Variants in GPR50 observed in about 807,000 individuals in gnomAD.
The protein encoded by GPR50 is melatonin-related receptor.
A neutral mutation model predicts 2.6 loss-of-function variants in GPR50; 1 was observed. The observed-to-expected ratio is 0.38, with a 90% CI of 0.13 to 1.79. The LOEUF (loss-of-function observed/expected upper bound fraction) is 1.79. GPR50 is among the 40% of genes most tolerant of loss of function. The pLI, the probability that GPR50 is intolerant of heterozygous loss-of-function variation, is 0.33. For synonymous variants in GPR50, 233 were observed against 202.3 expected (o/e 1.15, Z -1.29); for missense variants, 535 against 522.1 (o/e 1.02, Z -0.24).
At chrX:151,178,780 C>T (rs1019355701) in intron 1 of GPR50, among the ~76,000 whole-genome samples, 4 of 112,515 alleles carry the variant, frequency 3.6e-5, no homozygotes, top group African/African-American at 1.3e-4. Flanking sequence ...AGAAAGAGGG[C>T]TCTGCGCCTG....
At position 151,179,924 on chromosome X, in the gene GPR50, G is replaced by T. The variant is rs759381821; in HGVS notation, c.341G>T (p.Gly114Val). Reference sequence around the variant, plus strand: ...TTCATCACAGGGCTGAGTGTGGTCGGCTCCATCTTCAACATCGTGGCAATC... The same window carrying T: ...TTCATCACAGGGCTGAGTGTGGTCGTCTCCATCTTCAACATCGTGGCAATC... ...VGFITGLSVV[G>V]SIFNIVAIAI... Residue 114 changes from glycine (G) to valine (V), a missense_variant, in exon 2 of 2, where the codon GGC (glycine) becomes GTC (valine). Physicochemically the swap from Gly to Val is moderately radical, Grantham distance 109. Coordinates refer to ENST00000218316, the MANE Select transcript of GPR50 (RefSeq NM_004224.3). 1 of 1,211,004 alleles carries T rather than the reference G, an allele frequency of 8.3e-7. No individual in the cohort carries two copies. The highest frequency in any genetic ancestry group is 1.8e-5 in the South Asian group (1 of 56,888).
At chrX:151,181,546 G>A (rs1288608784), downstream of GPR50, 20 of 533,754 alleles carry the variant, frequency 3.7e-5, no homozygotes, top group Middle Eastern at 4.9e-4. Context: ...CTGACACATA[G>A]AGATGGTGTA....
intron 1 of GPR50, 68 bp from the exon 2 acceptor site, chrX:151,179,702 AT>A: frequency 1.3e-6 from 1 of 767,360 alleles, no homozygotes; most frequent in Non-Finnish European, 1.9e-6. Context: ...AAATGTGTAG[AT>A]TTCTGTACTT....
intron 1 of GPR50, among the ~76,000 whole-genome samples, chrX:151,178,628 G>A (rs2048694259): frequency 8.9e-6 from 1 of 112,058 alleles, no homozygotes; most frequent in Non-Finnish European, 1.9e-5. Flanking sequence ...AAAGTGCTGA[G>A]GCCGAGTGCT....
downstream of GPR50, chrX:151,181,544 T>C (rs1010473570): frequency 1.0e-4 from 54 of 536,546 alleles, no homozygotes; most frequent in Non-Finnish European, 1.6e-4. Context: ...CACTGACACA[T>C]AGAGATGGTG....
rs2048702803 is a variant in GPR50 at position 151,180,099 on chromosome X, T to A, written c.516T>A (p.Asp172Glu). 3.3e-6 allele frequency: 4 copies of A among 1,209,294 alleles called. No individual in the cohort carries two copies. In the East Asian group the frequency reaches 1.2e-4, roughly 36 times the overall value. Residue 172 changes from aspartate (D) to glutamate (E), a missense_variant, in exon 2 of 2, where the codon GAT becomes GAA. Coordinates refer to ENST00000218316, the MANE Select transcript of GPR50 (RefSeq NM_004224.3). ...PNMYIGTIEY[D>E]PRTYTCIFNY... Reference sequence around the variant, plus strand: ...TGTACATTGGCACCATCGAGTACGATCCTCGCACCTACACCTGCATCTTCA... The same window carrying A: ...TGTACATTGGCACCATCGAGTACGAACCTCGCACCTACACCTGCATCTTCA...
intron 1 of GPR50, chrX:151,177,392 T>A (rs929397653): frequency 3.5e-5 from 4 of 113,200 alleles, no homozygotes; most frequent in Admixed American, 2.8e-4. Flanking sequence ...CGCAACGCAG[T>A]GGCCTCTCCC....
chrX:151,181,408 G>A lies in GPR50; in HGVS notation c.1825G>A (p.Glu609Lys), dbSNP rs1478378985. ...CCATGATGTCGTGGTTATTGATGTT[G>A]AAGATGATCCTGATGAAATGGCTGT... is the stretch of plus-strand genomic sequence containing the variant. Reference protein sequence around the residue: ...DYHDVVVIDVEDDPDEMAV With the variant: ...DYHDVVVIDVKDDPDEMAV The change falls in exon 2 of 2, where the codon GAA becomes AAA. Residue 609 changes from glutamate to lysine, a missense_variant. Coordinates refer to ENST00000218316, the MANE Select transcript of GPR50 (RefSeq NM_004224.3). The A allele has an allele frequency of 8.4e-7, 1 of 1,189,090 alleles. No individual in the cohort carries two copies. The highest frequency in any genetic ancestry group is 1.7e-5 in the African/African-American group (1 of 57,605).
intron 1 of GPR50, 142 bp downstream of exon 1, chrX:151,177,050 G>A: frequency 4.3e-6 from 2 of 461,355 alleles, no homozygotes; most frequent in Non-Finnish European, 7.6e-6. Context: ...CCGCAAGCCT[G>A]GGGGTGGTAG....
At position 151,176,608 on chromosome X, in the gene GPR50, A is replaced by C; in HGVS notation, c.-114A>C. Reference sequence around the variant, plus strand: ...TGCTGTCATTTGCTCTCTGACTCTCAGAGAGGGAGGCACGCTTTCCTGGAG... The same window carrying C: ...TGCTGTCATTTGCTCTCTGACTCTCCGAGAGGGAGGCACGCTTTCCTGGAG... On this transcript the variant is annotated 5_prime_UTR_variant, in exon 1 of 2. Coordinates refer to ENST00000218316, the MANE Select transcript of GPR50 (RefSeq NM_004224.3). 2 of 484,860 alleles carry C rather than the reference A, an allele frequency of 4.1e-6. No individual in the cohort carries two copies. Among genetic ancestry groups the C allele is most frequent in the East Asian group, 3.7e-5 (1 of 26,850 alleles). The allele number at this position is 484,860 out of a possible 1,213,427, so 40.0% of individuals were successfully genotyped here. A position where few individuals can be genotyped will look rare whatever the true frequency, so the allele number is the denominator to read the frequency against.
intron 1 of GPR50, chrX:151,177,679 A>T (rs1449837991): frequency 8.9e-6 from 1 of 112,455 alleles, no homozygotes; most frequent in Non-Finnish European, 1.9e-5. Flanking sequence ...GCCGGCCAAG[A>T]GGCTTGGGAG....
rs767699222 is a variant in GPR50, at chrX:151,180,066, G to A, written c.483G>A (p.Leu161=). ...ITWIMTVLAV[L]PNMYIGTIEY... ...GGATCATGACCGTCCTGGCTGTCCT[G>A]CCCAACATGTACATTGGCACCATCG... The change falls in exon 2 of 2, where the codon CTG becomes CTA. Residue 161 remains leucine (L), a synonymous_variant. Transcript: ENST00000218316. 2 of 1,209,514 alleles carry A rather than the reference G, an allele frequency of 1.7e-6. No individual in the cohort carries two copies. The highest frequency in any genetic ancestry group is 5.9e-5 in the East Asian group (2 of 33,769).
chrX:151,176,983 C>A (rs1602726080), intron 1 of GPR50, 75 bp downstream of exon 1: 4 of 686,556 alleles, frequency 5.8e-6, no homozygotes, highest in Non-Finnish European at 9.0e-6. Flanking sequence ...TTGAGCTCCC[C>A]GAATAGAGAA....
chrX:151,180,410 A>G lies in GPR50; in HGVS notation c.827A>G (p.Tyr276Cys), dbSNP rs1422848790. 3 of 1,209,505 alleles carry G rather than the reference A, an allele frequency of 2.5e-6. No homozygotes were observed. Among genetic ancestry groups the G allele is most frequent in the Non-Finnish European group, 3.4e-6 (3 of 895,034 alleles). ...GCAGGCAAGATCCCCAACTGGCTTT[A>G]TCTTGCAGCCTACTTCATAGCCTAC... ...EMAGKIPNWL[Y>C]LAAYFIAYFN... The change falls in exon 2 of 2, where the codon TAT (tyrosine) becomes TGT (cysteine). Residue 276 changes from tyrosine (Y) to cysteine (C), a missense_variant. By Grantham distance (194) the Tyr-to-Cys change is radical. Transcript: ENST00000218316.
In GPR50 at chrX:151,181,153, G is replaced by T. The variant is rs1238236399; in HGVS notation, c.1570G>T (p.Ala524Ser). Reference sequence around the variant, plus strand: ...CACCACTGCTGACTATCCCAAGCCTGCCACTACCAGCCACCCTAAGCCCAC... The same window carrying T: ...CACCACTGCTGACTATCCCAAGCCTTCCACTACCAGCCACCCTAAGCCCAC... ...EPTTADYPKP[A>S]TTSHPKPTAA... The change falls in exon 2 of 2, where the codon GCC (alanine) becomes TCC (serine). Residue 524 changes from alanine (A) to serine (S), a missense_variant. Ala to Ser is a moderately conservative substitution (Grantham distance 99, BLOSUM62 1). Coordinates refer to ENST00000218316, the MANE Select transcript of GPR50 (RefSeq NM_004224.3). 9 of 1,207,333 alleles carry T rather than the reference G, an allele frequency of 7.5e-6. No individual in the cohort carries two copies. Among genetic ancestry groups the T allele is most frequent in the African/African-American group, 1.8e-5 (1 of 56,581 alleles).
rs73615714 is a variant in GPR50 at position 151,178,514 on chromosome X, G to A, written c.188-1257G>A. ...TATAATTCAAATAAAGGCTTTTATGGTTGTTGTGGTTTTGTTTTTAAGGCT... is the reference window on the plus strand; with the variant it reads ...TATAATTCAAATAAAGGCTTTTATGATTGTTGTGGTTTTGTTTTTAAGGCT... On this transcript the variant is annotated intron_variant, in intron 1 of 1. Transcript: ENST00000218316. Among the ~76,000 whole-genome samples, 378 of 111,833 alleles carry A rather than the reference G, an allele frequency of 3.4e-3. 2 individuals are homozygous for A. Among genetic ancestry groups the A allele is most frequent in the African/African-American group, 0.012 (370 of 30,782 alleles).
Position 151,179,854 on chromosome X carries a change from A to G in GPR50, c.271A>G (p.Ile91Val). 2 of 1,209,937 alleles carry G rather than the reference A, an allele frequency of 1.7e-6. No homozygotes were observed. The highest frequency in any genetic ancestry group is 3.0e-5 in the East Asian group (1 of 33,819). ...CCCTTTGATGCTGCATGCCATGTCC[A>G]TTGGGGGCTGGGATCTGAGCCAGTT... ...PYPLMLHAMS[I>V]GGWDLSQLQC... The change falls in exon 2 of 2, where the codon ATT becomes GTT. Residue 91 changes from isoleucine (I) to valine (V), a missense_variant. Physicochemically the swap from Ile to Val is conservative, Grantham distance 29 (BLOSUM62 3). Coordinates refer to ENST00000218316, the MANE Select transcript of GPR50 (RefSeq NM_004224.3).
In GPR50 at chrX:151,180,398, C is replaced by T; in HGVS notation, c.815C>T (p.Pro272Leu). Reference protein sequence around the residue: ...VSPKEMAGKIPNWLYLAAYFI... With the variant: ...VSPKEMAGKILNWLYLAAYFI... ...CCGAAGGAGATGGCAGGCAAGATCC[C>T]CAACTGGCTTTATCTTGCAGCCTAC... is the stretch of plus-strand genomic sequence containing the variant. The change falls in exon 2 of 2, where the codon CCC becomes CTC. Residue 272 changes from proline to leucine, a missense_variant. Transcript: ENST00000218316. 2 of 1,211,224 alleles carry T rather than the reference C, an allele frequency of 1.7e-6. No individual in the cohort carries two copies. The highest frequency in any genetic ancestry group is 3.0e-5 in the East Asian group (1 of 33,827).
chrX:151,179,728 TCTC>T (rs2048700253), intron 1 of GPR50, 40 bp from the exon 2 acceptor site: 1 of 931,217 alleles, frequency 1.1e-6, no homozygotes, highest in African/African-American at 2.0e-5. Context: ...CACTTATTCT[TCTC>T]TGTCTTTCCC....
Sources: gnomAD v4.1 joint callset for allele counts (sites outside exome capture counted in the v4.1 genomes callset) on GRCh38, gnomAD v4.1.1 for gene constraint, MANE v1.5 for transcripts, NCBI Gene and HGNC (gene_info 2026-07-23, HGNC 2026-07-21) for gene names.